The following WDHD1 variants were observed in gnomAD, a reference collection of about 807,000 sequenced individuals.
The protein encoded by WDHD1 is WD repeat and HMG-box DNA-binding protein 1.
WDHD1 carries 111 observed loss-of-function variants against 135.4 expected under a neutral mutation model. The observed-to-expected ratio is 0.82, with a 90% CI of 0.70 to 0.96. WDHD1 has a LOEUF of 0.96. WDHD1 is among the 40% of genes least tolerant of loss of function. The pLI is 0.00. For missense variants in WDHD1, 1,351 were observed against 1,336.3 expected (o/e 1.01, Z -0.17); for synonymous variants, 434 against 439.0 (o/e 0.99, Z 0.14).
rs1027604895 is a variant in WDHD1 at position 54,962,988 on chromosome 14, T to C, written c.2495A>G (p.Glu832Gly). Residue 832 changes from glutamate to glycine, a missense_variant, in exon 19 of 26, where the codon GAA becomes GGA. Coordinates refer to ENST00000360586, the MANE Select transcript of WDHD1 (RefSeq NM_007086.4). The stretch of plus-strand genomic sequence containing the variant: ...CTTTTTTCTGAAATCTTCTTCTTCT[T>C]CTTCCTCTTCCACCTGGGTTGCTGT... ...ELTATQVEEE[E>G]EEEDFRKKLN... The C allele has an allele frequency of 9.3e-6, 15 of 1,613,962 alleles. No homozygotes were observed. Among genetic ancestry groups the C allele is most frequent in the Admixed American group, 1.7e-5 (1 of 59,992 alleles).
chr14:54,953,186 GC>G (rs2041091672), intron 24 of WDHD1, among the ~76,000 whole-genome samples: 1 of 152,064 alleles, frequency 6.6e-6, no homozygotes, highest in African/African-American at 2.4e-5. Flanking sequence ...GAGTGAACAG[GC>G]AACCTACAGA....
chr14:54,976,237 T>C (rs1016011248), intron 16 of WDHD1, among the ~76,000 whole-genome samples: 2 of 152,150 alleles, frequency 1.3e-5, no homozygotes, highest in East Asian at 1.9e-4. Flanking sequence ...AATTTCTTTA[T>C]TTCCTTTTTA....
chr14:55,002,548 A>C (rs904196652), intron 7 of WDHD1, among the ~76,000 whole-genome samples: 5 of 152,074 alleles, frequency 3.3e-5, no homozygotes, highest in Non-Finnish European at 5.9e-5. Context: ...AAAGGTGATC[A>C]CTCTATTGCT....
intron 24 of WDHD1, among the ~76,000 whole-genome samples, chr14:54,951,236 C>T (rs9671503): frequency 0.41 from 61,114 of 150,126 alleles, 13,909 homozygotes; most frequent in African/African-American, 0.62. Context: ...ATCAATAAAA[C>T]TGATAGACCG....
chr14:54,982,790 C>G (rs1037524785), intron 15 of WDHD1, among the ~76,000 whole-genome samples: 3 of 152,122 alleles, frequency 2.0e-5, no homozygotes, highest in Admixed American at 6.5e-5. Flanking sequence ...GAGTTTCCAG[C>G]AATGTAAATG....
intron 24 of WDHD1, among the ~76,000 whole-genome samples, chr14:54,951,549 A>C (rs1361973543): frequency 2.0e-5 from 3 of 152,264 alleles, no homozygotes; most frequent in African/African-American, 7.2e-5. Context: ...AGATGGATTC[A>C]CAGCCAAATT....
intron 2 of WDHD1, among the ~76,000 whole-genome samples, chr14:55,022,127 T>C (rs559329073): frequency 1.2e-4 from 19 of 152,334 alleles, no homozygotes; most frequent in African/African-American, 4.6e-4. Flanking sequence ...GCCAGGGGCA[T>C]TGCCCAACAT....
At chr14:54,958,338 G>A (rs2041194990) in intron 21 of WDHD1, among the ~76,000 whole-genome samples, 1 of 151,924 alleles carries the variant, frequency 6.6e-6, no homozygotes, top group Non-Finnish European at 1.5e-5. Flanking sequence ...TGTTGGCCAG[G>A]CTGGTCTTGA....
chr14:55,011,897 T>G (rs1255315913), intron 3 of WDHD1, among the ~76,000 whole-genome samples: 1 of 152,156 alleles, frequency 6.6e-6, no homozygotes, highest in Non-Finnish European at 1.5e-5. Context: ...CATTTGCTAT[T>G]GTTATGAATT....
chr14:54,977,031 T>G (rs1337188823), intron 16 of WDHD1, among the ~76,000 whole-genome samples: 1 of 152,100 alleles, frequency 6.6e-6, no homozygotes, highest in Non-Finnish European at 1.5e-5. Context: ...ATTCTTTCAA[T>G]CTACTTATCA....
chr14:54,983,870 A>G, intron 15 of WDHD1, among the ~76,000 whole-genome samples: 1 of 152,170 alleles, frequency 6.6e-6, no homozygotes, highest in Non-Finnish European at 1.5e-5. Context: ...TGTTAATAAT[A>G]CATTTTATTT....
At chr14:55,014,239 G>A (rs1039678340) in intron 2 of WDHD1, among the ~76,000 whole-genome samples, 7 of 152,138 alleles carry the variant, frequency 4.6e-5, no homozygotes, top group East Asian at 1.9e-4. Flanking sequence ...GACTACAGGC[G>A]CATGCCACCA....
chr14:54,996,219 T>C (rs1224470129), intron 10 of WDHD1, among the ~76,000 whole-genome samples: 2 of 152,216 alleles, frequency 1.3e-5, no homozygotes, highest in Non-Finnish European at 2.9e-5. Context: ...CTGCATAAGA[T>C]ACATTTTCTT....
At position 54,984,858 on chromosome 14, in the gene WDHD1, T is replaced by C. The variant is rs563294325; in HGVS notation, c.1771A>G (p.Thr591Ala). ...EQLFIVYHRG[T>A]GFDGDQCLGV... ...AGGCACTGATCCCCATCAAATCCTG[T>C]ACCTAATGAGAAAATGTAAATATAA... Residue 591 changes from threonine to alanine, a missense_variant and splice_region_variant, in exon 15 of 26, where the codon ACA (threonine) becomes GCA (alanine). Physicochemically the swap from Thr to Ala is moderately conservative, Grantham distance 58. This residue lies in a region of WDHD1 where 1,330 missense variants were observed against 1,296.1 expected (regional missense o/e 1.03). Transcript: ENST00000360586. The C allele has an allele frequency of 2.0e-5, 32 of 1,609,280 alleles. No individual in the cohort carries two copies. In the East Asian group the frequency reaches 6.7e-4, roughly 34 times the overall value.
At chr14:54,977,012 G>C (rs993794090) in intron 16 of WDHD1, among the ~76,000 whole-genome samples, 41 of 151,960 alleles carry the variant, frequency 2.7e-4, no homozygotes, top group Non-Finnish European at 4.7e-4. Context: ...CTTTATAGGA[G>C]AAGTATTTAT....
rs2042108554 is a variant in WDHD1, at chr14:55,008,386, A to AT, written c.454-21dup. 4 of 1,611,668 alleles carry AT rather than the reference A, an allele frequency of 2.5e-6. No individual in the cohort carries two copies. The highest frequency in any genetic ancestry group is 2.5e-6 in the Non-Finnish European group (3 of 1,178,872). On this transcript the variant is annotated intron_variant, in intron 5 of 25. Transcript: ENST00000360586. Reference sequence around the variant, plus strand: ...TGATGCCTGCAGGAATAAACAATACATTTCTCTATAGTCATAGCCATAATA... The same window carrying AT: ...TGATGCCTGCAGGAATAAACAATACATTTTCTCTATAGTCATAGCCATAATA...
chr14:55,010,496 ACAAATC>A, intron 3 of WDHD1, 36 bp from the exon 4 acceptor site: 1 of 1,487,454 alleles, frequency 6.7e-7, no homozygotes, highest in Non-Finnish European at 9.0e-7. Context: ...CATTAGCAAA[ACAAATC>A]CAAATGACTG....
At chr14:55,021,045 A>G (rs1160620620) in intron 2 of WDHD1, among the ~76,000 whole-genome samples, 1 of 152,106 alleles carries the variant, frequency 6.6e-6, no homozygotes, top group East Asian at 1.9e-4. Flanking sequence ...GAGGGGGAGG[A>G]AGTAGAGGAG....
intron 24 of WDHD1, among the ~76,000 whole-genome samples, chr14:54,953,013 A>G (rs1240306361): frequency 1.3e-5 from 2 of 152,238 alleles, no homozygotes; most frequent in Non-Finnish European, 2.9e-5. Context: ...ATCTAAAACC[A>G]TAAAAACCCC....
Sources: allele counts gnomAD v4.1 joint callset (sites outside exome capture counted in the v4.1 genomes callset), GRCh38; gene constraint gnomAD v4.1.1; regional missense constraint gnomAD v4.1.1; transcripts MANE v1.5; gene names NCBI Gene and HGNC (gene_info 2026-07-23, HGNC 2026-07-21).